Variants in EIF4EBP2 observed in about 807,000 individuals in gnomAD.
EIF4EBP2 encodes eukaryotic translation initiation factor 4E-binding protein 2.
In EIF4EBP2, 5 loss-of-function variants were observed where a neutral mutation model predicts 10.3. The ratio of observed to expected loss-of-function variants is 0.48; its 90% CI spans 0.25 to 1.02. The LOEUF (loss-of-function observed/expected upper bound fraction) is 1.02. EIF4EBP2 is among the 50% of genes least tolerant of loss of function. The probability of loss-of-function intolerance (pLI) is 0.15; values close to 1 mark genes in which losing one functional copy is unlikely to be tolerated. For missense variants in EIF4EBP2, 188 were observed against 162.2 expected, an observed-to-expected ratio of 1.16 and a Z score of -0.86; for synonymous variants, 67 against 61.1, an observed-to-expected ratio of 1.10 and a Z score of -0.45.
intron 1 of EIF4EBP2, among the ~76,000 whole-genome samples, chr10:70,416,554 G>C (rs999079988): frequency 6.8e-6 from 1 of 148,028 alleles, no homozygotes; most frequent in African/African-American, 2.5e-5. Context: ...ACTCCAGCCT[G>C]GTGACATAGC....
Position 70,428,176 on chromosome 10 carries a change from C to T in EIF4EBP2, c.*6429C>T, listed in dbSNP as rs533985781. 6.6e-6 allele frequency: 1 copy of T among 152,130 alleles called. No homozygotes were observed. Among genetic ancestry groups the T allele is most frequent in the Non-Finnish European group, 1.5e-5 (1 of 68,034 alleles). The allele number at this position is 152,130 out of a possible 1,614,324, so 9.4% of individuals were successfully genotyped here. On this transcript the variant is annotated 3_prime_UTR_variant, in exon 3 of 3. Transcript: ENST00000373218. ...ATCTCTTTCCACCTGGGTGAGGAGA[C>T]CCTCTGCTACTCCAGGGGTAAACCT...
chr10:70,425,872 A>G lies in EIF4EBP2; in HGVS notation c.*4125A>G, dbSNP rs1845201253. On this transcript the variant is annotated 3_prime_UTR_variant, in exon 3 of 3. Coordinates refer to ENST00000373218, the MANE Select transcript of EIF4EBP2 (RefSeq NM_004096.5). ...AGCAGTTCACATTTAGGTGAAATAG[A>G]TGATGTTATCAGGAAGCCAGGTTCC... 1 of 152,250 alleles carries G rather than the reference A, an allele frequency of 6.6e-6. No individual in the cohort carries two copies. 9.4% of individuals were successfully genotyped at this position (152,250 alleles called of 1,614,324 possible). A position where few individuals can be genotyped will look rare whatever the true frequency, so the allele number is the denominator to read the frequency against.
intron 1 of EIF4EBP2, among the ~76,000 whole-genome samples, chr10:70,410,211 G>A (rs551218726): frequency 6.6e-6 from 1 of 151,864 alleles, no homozygotes; most frequent in African/African-American, 2.4e-5. Flanking sequence ...CTGGGATTAC[G>A]GGCGCCCACC....
Position 70,404,453 on chromosome 10 carries a change from C to T in EIF4EBP2, c.52C>T (p.Pro18Ser), listed in dbSNP as rs758314752. The change falls in exon 1 of 3, where the codon CCC becomes TCC. Residue 18 changes from proline to serine, a missense_variant. Transcript: ENST00000373218. The stretch of plus-strand genomic sequence containing the variant: ...CCAGCCCAGCCAGAGCCGCGCCATC[C>T]CCACCCGCACCGTGGCCATCAGCGA... ...GHQPSQSRAI[P>S]TRTVAISDAA... is the part of the protein sequence containing the mutation. The T allele has an allele frequency of 6.3e-7, 1 of 1,597,126 alleles. No individual in the cohort carries two copies. Among genetic ancestry groups the T allele is most frequent in the South Asian group, 1.1e-5 (1 of 89,648 alleles).
intron 1 of EIF4EBP2, among the ~76,000 whole-genome samples, chr10:70,407,678 C>G (rs1430601645): frequency 4.0e-5 from 6 of 151,310 alleles, no homozygotes; most frequent in African/African-American, 1.5e-4. Context: ...TCCTCACTTC[C>G]CAGTAGGAGC....
chr10:70,408,329 T>C (rs1845005959), intron 1 of EIF4EBP2, among the ~76,000 whole-genome samples: 2 of 151,966 alleles, frequency 1.3e-5, no homozygotes, highest in Admixed American at 1.3e-4. Flanking sequence ...TTAGCCAGGA[T>C]GGTCTTAATC....
In EIF4EBP2 at chr10:70,404,386, G is replaced by C; in HGVS notation, c.-16G>C. On this transcript the variant is annotated 5_prime_UTR_variant, in exon 1 of 3. Transcript: ENST00000373218. ...GCCTGCCCGCCGGACAAAGCCGAGAGCCCGCGCCCACAGCCATGTCCTCGT... is the reference window on the plus strand; with the variant it reads ...GCCTGCCCGCCGGACAAAGCCGAGACCCCGCGCCCACAGCCATGTCCTCGT... 1 of 1,553,146 alleles carries C rather than the reference G, an allele frequency of 6.4e-7. No homozygotes were observed. Among genetic ancestry groups the C allele is most frequent in the Non-Finnish European group, 8.7e-7 (1 of 1,153,244 alleles).
At chr10:70,404,791 C>G (rs951837375) in intron 1 of EIF4EBP2, among the ~76,000 whole-genome samples, 2 of 152,262 alleles carry the variant, frequency 1.3e-5, no homozygotes, top group Admixed American at 1.3e-4. Context: ...GCTCTTGTTT[C>G]CGCTTCGTGG....
intron 2 of EIF4EBP2, among the ~76,000 whole-genome samples, chr10:70,420,373 T>C (rs1224173973): frequency 6.6e-6 from 1 of 152,028 alleles, no homozygotes. Flanking sequence ...CAAATTTTTG[T>C]ATTTTTTAGT....
chr10:70,426,674 A>G lies in EIF4EBP2; in HGVS notation c.*4927A>G, dbSNP rs1049925988. 3 of 152,236 alleles carry G rather than the reference A, an allele frequency of 2.0e-5. No homozygotes were observed. The highest frequency in any genetic ancestry group is 7.2e-5 in the African/African-American group (3 of 41,456). 9.4% of individuals were successfully genotyped at this position (152,236 alleles called of 1,614,324 possible). A position where few individuals can be genotyped will look rare whatever the true frequency, so the allele number is the denominator to read the frequency against. ...TTGAGAGTATACTTGGATAAGAAGTATTGCTGTTGAGGGAGCTATAAGAAA... is the reference window on the plus strand; with the variant it reads ...TTGAGAGTATACTTGGATAAGAAGTGTTGCTGTTGAGGGAGCTATAAGAAA... On this transcript the variant is annotated 3_prime_UTR_variant, in exon 3 of 3. Transcript: ENST00000373218.
chr10:70,427,599 G>A lies in EIF4EBP2; in HGVS notation c.*5852G>A, dbSNP rs1448077418. 1 of 152,188 alleles carries A rather than the reference G, an allele frequency of 6.6e-6. No homozygotes were observed. The highest frequency in any genetic ancestry group is 2.4e-5 in the African/African-American group (1 of 41,442). The allele number at this position is 152,188 out of a possible 1,614,324, so 9.4% of individuals were successfully genotyped here. On this transcript the variant is annotated 3_prime_UTR_variant, in exon 3 of 3. Transcript: ENST00000373218. ...TGGAAGTTGATAACCTTTTGGCAAA[G>A]CTTAGATTTAGGAGAAGGCTTGAGT...
chr10:70,409,930 C>G (rs1192899637), intron 1 of EIF4EBP2, among the ~76,000 whole-genome samples: 1 of 152,070 alleles, frequency 6.6e-6, no homozygotes, highest in African/African-American at 2.4e-5. Context: ...ATGATTGGTT[C>G]ATTGGGACAG....
rs113403016 is a variant in EIF4EBP2, at chr10:70,420,112, C to T, written c.331+13C>T. On this transcript the variant is annotated intron_variant, in intron 2 of 2. Transcript: ENST00000373218. ...AAACATGCAGTTGGTAAGAGAATGG[C>T]GATGTTGGAGACCTAGAGCGTGGCT... 170 of 1,589,812 alleles carry T rather than the reference C, an allele frequency of 1.1e-4. No individual in the cohort carries two copies. In the African/African-American group the frequency reaches 1.9e-3, roughly 17 times the overall value.
In EIF4EBP2 at chr10:70,406,443, G is replaced by A. The variant is rs144773723; in HGVS notation, c.145+1897G>A. 2.6e-5 allele frequency among the ~76,000 whole-genome samples: 4 copies of A among 152,304 alleles called. No individual in the cohort carries two copies. In the South Asian group the frequency reaches 6.2e-4, roughly 24 times the overall value. On this transcript the variant is annotated intron_variant, in intron 1 of 2. Coordinates refer to ENST00000373218, the MANE Select transcript of EIF4EBP2 (RefSeq NM_004096.5). The stretch of plus-strand genomic sequence containing the variant: ...TTCTTTGTGGTATTGCTCAGTAAAT[G>A]CCTGTGCTTCCAGAAGTTCAGAACA...
At position 70,421,681 on chromosome 10, in the gene EIF4EBP2, C is replaced by T. The variant is rs200708392; in HGVS notation, c.332-35C>T. ...TAAAACTGTTATGCTTCTTTGTGTA[C>T]GTGCTAAACTCTTCATTTTATTGGT... is the stretch of plus-strand genomic sequence containing the variant. On this transcript the variant is annotated intron_variant, in intron 2 of 2. Coordinates refer to ENST00000373218, the MANE Select transcript of EIF4EBP2 (RefSeq NM_004096.5). 2.6e-4 allele frequency: 411 copies of T among 1,593,878 alleles called. 1 individual carries two copies. In the African/African-American group the frequency reaches 4.1e-3, roughly 16 times the overall value.
At chr10:70,413,677 T>C (rs1434544057) in intron 1 of EIF4EBP2, among the ~76,000 whole-genome samples, 1 of 151,776 alleles carries the variant, frequency 6.6e-6, no homozygotes, top group Non-Finnish European at 1.5e-5. Flanking sequence ...TAACTGTTAA[T>C]TCTTCTATGC....
Position 70,404,246 on chromosome 10 carries a change from G to A in EIF4EBP2, c.-156G>A. On this transcript the variant is annotated 5_prime_UTR_variant, in exon 1 of 3. Coordinates refer to ENST00000373218, the MANE Select transcript of EIF4EBP2 (RefSeq NM_004096.5). The stretch of plus-strand genomic sequence containing the variant: ...CGGCGGCGGCGGCGGCGGCTGAGAG[G>A]GCGGCGGCGGGAGCGGAGCGGGACG... 3 of 939,184 alleles carry A rather than the reference G, an allele frequency of 3.2e-6. No homozygotes were observed. Among genetic ancestry groups the A allele is most frequent in the South Asian group, 2.3e-5 (1 of 43,230 alleles). 58.2% of individuals were successfully genotyped at this position (939,184 alleles called of 1,614,324 possible).
intron 1 of EIF4EBP2, among the ~76,000 whole-genome samples, chr10:70,405,535 C>A (rs1844956946): frequency 6.6e-6 from 1 of 152,180 alleles, no homozygotes; most frequent in African/African-American, 2.4e-5. Context: ...AACGGGGCCT[C>A]CTTTTTAACT....
intron 1 of EIF4EBP2, among the ~76,000 whole-genome samples, chr10:70,407,501 C>G (rs1844982318): frequency 6.6e-6 from 1 of 150,938 alleles, no homozygotes; most frequent in Admixed American, 6.6e-5. Context: ...TGAAAAGTCT[C>G]CCATGTCCAC....
Sources: allele counts gnomAD v4.1 joint callset (sites outside exome capture counted in the v4.1 genomes callset), GRCh38; gene constraint gnomAD v4.1.1; transcripts MANE v1.5; gene names NCBI Gene and HGNC (gene_info 2026-07-23, HGNC 2026-07-21).